PPP4R4: variants seen among roughly 807,000 people sequenced by gnomAD.
PPP4R4 encodes the protein serine/threonine-protein phosphatase 4 regulatory subunit 4.
PPP4R4 carries 70 observed loss-of-function variants against 121.8 expected under a neutral mutation model. The observed-to-expected ratio is 0.57, with a 90% CI of 0.47 to 0.70. The LOEUF (loss-of-function observed/expected upper bound fraction) is 0.70. Among genes scored for constraint, PPP4R4 ranks in the 30% least tolerant of loss-of-function variants. The probability of loss-of-function intolerance (pLI) is 0.00; values close to 1 mark genes in which losing one functional copy is unlikely to be tolerated. For synonymous variants in PPP4R4, 348 were observed against 355.7 expected, an observed-to-expected ratio of 0.98 and a Z score of 0.24; for missense variants, 875 against 1,033.6, an observed-to-expected ratio of 0.85 and a Z score of 2.10.
At chr14:94,269,517 TA>T (rs200892161) in intron 23 of PPP4R4, among the ~76,000 whole-genome samples, 166 of 141,486 alleles carry the variant, frequency 1.2e-3, no homozygotes, top group Admixed American at 1.5e-3. Flanking sequence ...CTACTAAAAA[TA>T]AAAAAAAAAA....
chr14:94,274,297 T>C (rs1438023590), intron 23 of PPP4R4, among the ~76,000 whole-genome samples: 4 of 151,968 alleles, frequency 2.6e-5, no homozygotes, highest in Non-Finnish European at 5.9e-5. Context: ...CTGGACTTAA[T>C]CAAAATTAAA....
At chr14:94,185,824 T>C (rs1027890446) in intron 2 of PPP4R4, among the ~76,000 whole-genome samples, 3 of 152,334 alleles carry the variant, frequency 2.0e-5, no homozygotes, top group East Asian at 1.9e-4. Context: ...TATTGAAGTA[T>C]AATTTAAATA....
intron 3 of PPP4R4, chr14:94,227,371 A>G (rs1389831093): frequency 6.2e-7 from 1 of 1,610,838 alleles, no homozygotes; most frequent in African/African-American, 1.3e-5. Flanking sequence ...GGAGGAGAAC[A>G]CTTACTGGTA....
At chr14:94,174,671 C>T in intron 1 of PPP4R4, 89 bp downstream of exon 1, 1 of 1,512,246 alleles carries the variant, frequency 6.6e-7, no homozygotes, top group South Asian at 1.2e-5. Flanking sequence ...CGCCACCACC[C>T]TCCCCTCCTC....
intron 17 of PPP4R4, among the ~76,000 whole-genome samples, chr14:94,257,812 C>T (rs1262739037): frequency 1.3e-5 from 2 of 151,950 alleles, no homozygotes; most frequent in African/African-American, 2.4e-5. Flanking sequence ...ATTCAAGAGA[C>T]AATATAAGCT....
chr14:94,265,562 A>ATTATCCTACT, intron 21 of PPP4R4, 89 bp downstream of exon 21: 1 of 1,159,010 alleles, frequency 8.6e-7, no homozygotes, highest in Non-Finnish European at 1.3e-6. Context: ...GATGAGATAC[A>ATTATCCTACT]GTAGGATAAT....
chr14:94,246,721 T>C (rs1453530412), intron 14 of PPP4R4, among the ~76,000 whole-genome samples, 182 bp downstream of exon 14: 2 of 152,066 alleles, frequency 1.3e-5, no homozygotes, highest in Non-Finnish European at 2.9e-5. Context: ...CCACTAGGTC[T>C]CCCTCTGAGA....
chr14:94,257,292 T>C (rs1313099512), intron 17 of PPP4R4, among the ~76,000 whole-genome samples: 1 of 152,128 alleles, frequency 6.6e-6, no homozygotes, highest in African/African-American at 2.4e-5. Context: ...AAAAATTGTT[T>C]ATGCTGAATA....
At chr14:94,225,769 T>C (rs1891663908) in intron 3 of PPP4R4, among the ~76,000 whole-genome samples, 1 of 152,174 alleles carries the variant, frequency 6.6e-6, no homozygotes, top group African/African-American at 2.4e-5. Flanking sequence ...GAAATTAAAA[T>C]GATATTATCT....
At chr14:94,212,831 G>T (rs1404325063) in intron 3 of PPP4R4, among the ~76,000 whole-genome samples, 1 of 152,038 alleles carries the variant, frequency 6.6e-6, no homozygotes, top group African/African-American at 2.4e-5. Context: ...CAGAATAATA[G>T]CGATATAATT....
intron 3 of PPP4R4, chr14:94,227,360 TGG>T: frequency 1.2e-6 from 2 of 1,611,518 alleles, no homozygotes; most frequent in South Asian, 2.2e-5. Context: ...TGTGACTCTG[TGG>T]AGGAGAACAC....
chr14:94,222,117 A>G (rs1181491058), intron 3 of PPP4R4, among the ~76,000 whole-genome samples: 1 of 152,008 alleles, frequency 6.6e-6, no homozygotes, highest in Non-Finnish European at 1.5e-5. Flanking sequence ...TTTTTAATCC[A>G]ATCTCACACT....
At chr14:94,189,784 T>G (rs1371092955) in intron 2 of PPP4R4, among the ~76,000 whole-genome samples, 3 of 152,210 alleles carry the variant, frequency 2.0e-5, no homozygotes, top group Non-Finnish European at 4.4e-5. Context: ...TATATCATAC[T>G]GGAGGGAAAC....
chr14:94,233,119 CAG>C (rs1892140724), intron 5 of PPP4R4, among the ~76,000 whole-genome samples: 1 of 151,484 alleles, frequency 6.6e-6, no homozygotes, highest in Non-Finnish European at 1.5e-5. Context: ...GGACTAGAAT[CAG>C]AGTCTGATCT....
chr14:94,189,293 A>C (rs567394609), intron 2 of PPP4R4, among the ~76,000 whole-genome samples: 9 of 152,324 alleles, frequency 5.9e-5, no homozygotes, highest in African/African-American at 2.2e-4. Flanking sequence ...TTTTATTTCC[A>C]AGACCCCCTT....
intron 3 of PPP4R4, chr14:94,227,358 T>C (rs371360933): frequency 1.2e-6 from 2 of 1,611,706 alleles, no homozygotes; most frequent in Non-Finnish European, 1.7e-6. Context: ...GGTGTGACTC[T>C]GTGGAGGAGA....
intron 23 of PPP4R4, among the ~76,000 whole-genome samples, chr14:94,271,894 A>G (rs1894353924): frequency 6.6e-6 from 1 of 152,198 alleles, no homozygotes; most frequent in South Asian, 2.1e-4. Context: ...ATTTAAAATT[A>G]AAAGCAAAAT....
At chr14:94,244,819 C>G in intron 12 of PPP4R4, 107 bp downstream of exon 12, 2 of 1,129,360 alleles carry the variant, frequency 1.8e-6, no homozygotes, top group Admixed American at 3.3e-5. Flanking sequence ...TTTCAGCTGA[C>G]TAGCCCCAGA....
chr14:94,242,011 T>C lies in PPP4R4; in HGVS notation c.1146+54T>C, dbSNP rs1007974226. ...GGATTTTTATTATAACTTTAAAATA[T>C]GTGCATAGATGGCATTCAAAATATT... On this transcript the variant is annotated intron_variant, in intron 10 of 24. Coordinates refer to ENST00000304338, the MANE Select transcript of PPP4R4 (RefSeq NM_058237.2). The C allele has an allele frequency of 6.8e-6, 10 of 1,471,082 alleles. No homozygotes were observed. In the South Asian group the frequency reaches 1.3e-4, roughly 18 times the overall value. The allele number at this position is 1,471,082 out of a possible 1,614,324, so 91.1% of individuals were successfully genotyped here. A position where few individuals can be genotyped will look rare whatever the true frequency, so the allele number is the denominator to read the frequency against.
Sources: gnomAD v4.1 joint callset for allele counts (sites outside exome capture counted in the v4.1 genomes callset) on GRCh38, gnomAD v4.1.1 for gene constraint, MANE v1.5 for transcripts, NCBI Gene and HGNC (gene_info 2026-07-23, HGNC 2026-07-21) for gene names.